Variants in HCN1 observed in about 807,000 individuals in gnomAD.
HCN1 encodes the protein potassium/sodium hyperpolarization-activated cyclic nucleotide-gated channel 1.
In HCN1, 13 loss-of-function variants were observed where a neutral mutation model predicts 78.9. The ratio of observed to expected loss-of-function variants is 0.16; its 90% CI spans 0.11 to 0.26. The LOEUF (loss-of-function observed/expected upper bound fraction) is 0.26, where lower values mean the gene tolerates loss of function less well. Ranked by LOEUF, HCN1 falls within the 10% of genes least tolerant of loss-of-function variation. HCN1 has a pLI of 1.00. For missense variants in HCN1, 810 were observed against 1,154.3 expected (o/e 0.70, Z 4.32); for synonymous variants, 552 against 455.5 (o/e 1.21, Z -2.70).
chr5:45,400,069 T>C (rs1382977142), intron 3 of HCN1, among the ~76,000 whole-genome samples: 2 of 152,146 alleles, frequency 1.3e-5, no homozygotes, highest in Non-Finnish European at 2.9e-5. Flanking sequence ...TTTACTAAAA[T>C]GTAAAATCTA....
intron 2 of HCN1, among the ~76,000 whole-genome samples, chr5:45,641,386 A>C (rs1427172900): frequency 6.6e-6 from 1 of 152,116 alleles, no homozygotes; most frequent in Admixed American, 6.6e-5. Context: ...AAAATCTAAT[A>C]TTGGTTTCAA....
At chr5:45,487,883 A>G (rs758154036) in intron 2 of HCN1, among the ~76,000 whole-genome samples, 9 of 152,140 alleles carry the variant, frequency 5.9e-5, no homozygotes, top group Non-Finnish European at 1.2e-4. Flanking sequence ...GAGAAGAAAC[A>G]GAAGGGTTTC....
intron 3 of HCN1, among the ~76,000 whole-genome samples, chr5:45,443,741 T>C (rs1417763188): frequency 6.6e-6 from 1 of 152,116 alleles, no homozygotes; most frequent in Non-Finnish European, 1.5e-5. Flanking sequence ...AATTTAATAT[T>C]TTTCTCTAAT....
At chr5:45,689,923 A>G (rs1332939208) in intron 1 of HCN1, among the ~76,000 whole-genome samples, 1 of 152,158 alleles carries the variant, frequency 6.6e-6, no homozygotes, top group African/African-American at 2.4e-5. Flanking sequence ...AACCTTGGAG[A>G]ACCTACGTTA....
At chr5:45,315,517 G>C (rs1370663419) in intron 5 of HCN1, among the ~76,000 whole-genome samples, 1 of 152,070 alleles carries the variant, frequency 6.6e-6, no homozygotes, top group Non-Finnish European at 1.5e-5. Context: ...AGAAAAGCAA[G>C]AGCAAACACA....
chr5:45,436,620 A>G (rs1165592993), intron 3 of HCN1, among the ~76,000 whole-genome samples: 1 of 152,208 alleles, frequency 6.6e-6, no homozygotes, highest in Non-Finnish European at 1.5e-5. Context: ...TATATATTTT[A>G]TTAAATGTTT....
At chr5:45,461,802 A>C in intron 3 of HCN1, 44 bp downstream of exon 3, 3 of 1,517,398 alleles carry the variant, frequency 2.0e-6, no homozygotes, top group African/African-American at 1.4e-5. Context: ...AGGTTTTGGC[A>C]CAACGTTGAA....
chr5:45,334,364 A>G (rs969097249), intron 5 of HCN1, among the ~76,000 whole-genome samples: 48 of 151,826 alleles, frequency 3.2e-4, no homozygotes, highest in African/African-American at 9.9e-4. Context: ...TTCCAAATTT[A>G]GTGCAAACTC....
chr5:45,650,399 T>C (rs981949852), intron 1 of HCN1, among the ~76,000 whole-genome samples: 1 of 151,988 alleles, frequency 6.6e-6, no homozygotes, highest in African/African-American at 2.4e-5. Flanking sequence ...GATAGGACTC[T>C]TTACTTATTT....
chr5:45,600,820 G>A (rs998355864), intron 2 of HCN1, among the ~76,000 whole-genome samples: 6 of 152,082 alleles, frequency 3.9e-5, no homozygotes, highest in African/African-American at 1.4e-4. Context: ...CTTCTATATG[G>A]GTTAGAGAAG....
chr5:45,611,379 C>A (rs1744833888), intron 2 of HCN1, among the ~76,000 whole-genome samples: 1 of 142,756 alleles, frequency 7.0e-6, no homozygotes, highest in Non-Finnish European at 1.5e-5. Flanking sequence ...TCAAGCAATT[C>A]TTCTGCCTCA....
intron 6 of HCN1, among the ~76,000 whole-genome samples, chr5:45,291,879 G>T (rs539743284): frequency 6.6e-6 from 1 of 151,766 alleles, no homozygotes; most frequent in African/African-American, 2.4e-5. Context: ...TTATTAACTT[G>T]CTTTATTATT....
intron 4 of HCN1, among the ~76,000 whole-genome samples, chr5:45,394,822 A>T (rs1341403241): frequency 6.6e-6 from 1 of 152,094 alleles, no homozygotes; most frequent in East Asian, 1.9e-4. Context: ...AAAAAAAAAA[A>T]GTTATATTCT....
chr5:45,328,123 A>G (rs1339865278), intron 5 of HCN1, among the ~76,000 whole-genome samples: 1 of 151,590 alleles, frequency 6.6e-6, no homozygotes, highest in Non-Finnish European at 1.5e-5. Flanking sequence ...TGCTGAACCC[A>G]TTTGCTGTCA....
intron 2 of HCN1, among the ~76,000 whole-genome samples, chr5:45,626,996 T>C (rs550644786): frequency 2.1e-4 from 32 of 151,404 alleles, no homozygotes; most frequent in Non-Finnish European, 4.3e-4. Context: ...ATAACATGTA[T>C]ATATATATAT....
Position 45,461,963 on chromosome 5 carries a change from A to G in HCN1, c.894T>C (p.Ile298=), listed in dbSNP as rs1284612874. 6.2e-7 allele frequency: 1 copy of G among 1,613,368 alleles called. No homozygotes were observed. The highest frequency in any genetic ancestry group is 1.3e-5 in the African/African-American group (1 of 74,886). The part of the protein sequence containing the change: ...TYDLASAVVR[I]FNLIGMMLLL... ...GCAGCATCATGCCGATGAGATTAAA[A>G]ATTCTCACCACTGCACTGGCGAGAT... Residue 298 remains isoleucine, a synonymous_variant, in exon 3 of 8, where the codon ATT becomes ATC. Coordinates refer to ENST00000303230, the MANE Select transcript of HCN1 (RefSeq NM_021072.4).
intron 3 of HCN1, among the ~76,000 whole-genome samples, chr5:45,441,437 T>C (rs1237437606): frequency 2.0e-5 from 3 of 151,724 alleles, no homozygotes; most frequent in Non-Finnish European, 4.4e-5. Flanking sequence ...AGGGAAGATA[T>C]ATAAATAGAT....
rs201934458 is a variant in HCN1, at chr5:45,537,402, G to T, written c.850-75395C>A. Among the ~76,000 whole-genome samples the T allele has an allele frequency of 7.3e-3, 1,075 of 148,270 alleles. 13 individuals are homozygous for T. The highest frequency in any genetic ancestry group is 0.021 in the African/African-American group (832 of 40,006). ...CACAGCTGATTATGCATTTTTTTTT[G>T]TTTTTTTTTAACAATACCTCTGTTT... On this transcript the variant is annotated intron_variant, in intron 2 of 7. Coordinates refer to ENST00000303230, the MANE Select transcript of HCN1 (RefSeq NM_021072.4).
intron 4 of HCN1, among the ~76,000 whole-genome samples, chr5:45,370,234 G>A (rs1050281053): frequency 1.3e-5 from 2 of 151,498 alleles, no homozygotes; most frequent in African/African-American, 2.4e-5. Context: ...GATTAAAAAC[G>A]GACATATTTA....
Sources: allele counts gnomAD v4.1 joint callset (sites outside exome capture counted in the v4.1 genomes callset), GRCh38; gene constraint gnomAD v4.1.1; transcripts MANE v1.5; gene names NCBI Gene and HGNC (gene_info 2026-07-23, HGNC 2026-07-21).